The following ADIPOR2 variants were observed in gnomAD, a reference collection of about 807,000 sequenced individuals.
ADIPOR2 encodes the protein adiponectin receptor protein 2.
A neutral mutation model predicts 40.9 loss-of-function variants in ADIPOR2; 18 were observed. That is an observed-to-expected ratio of 0.44 (90% confidence interval 0.30 to 0.65). The LOEUF is 0.65. ADIPOR2 is among the 30% of genes least tolerant of loss of function. The probability of loss-of-function intolerance (pLI) is 0.09; values close to 1 mark genes in which losing one functional copy is unlikely to be tolerated. For synonymous variants in ADIPOR2, 165 were observed against 166.4 expected (o/e 0.99, Z 0.06); for missense variants, 283 against 479.2 (o/e 0.59, Z 3.82).
At chr12:1,717,731 T>C (rs1365022980) in intron 1 of ADIPOR2, among the ~76,000 whole-genome samples, 1 of 152,092 alleles carries the variant, frequency 6.6e-6, no homozygotes, top group Non-Finnish European at 1.5e-5. Flanking sequence ...ATTCAGCTTC[T>C]GAAAAGCACT....
At chr12:1,697,252 C>T (rs1295230873) in intron 1 of ADIPOR2, 1 of 152,138 alleles carries the variant, frequency 6.6e-6, no homozygotes, top group East Asian at 1.9e-4. Flanking sequence ...TGAGTTTTTT[C>T]TTCTTTTGTT....
In ADIPOR2 at chr12:1,780,886, T is replaced by C; in HGVS notation, c.651-3T>C. On this transcript the variant is annotated splice_region_variant and splice_polypyrimidine_tract_variant and intron_variant, in intron 5 of 7. Coordinates refer to ENST00000357103, the MANE Select transcript of ADIPOR2 (RefSeq NM_024551.3). ...TTAAATGGATTTTTTTTTTCTGTCA[T>C]AGACTGGATTACTCTGGTATTGCTC... The C allele has an allele frequency of 6.3e-7, 1 of 1,594,832 alleles. No individual in the cohort carries two copies.
intron 1 of ADIPOR2, among the ~76,000 whole-genome samples, chr12:1,736,446 C>T (rs2094730903): frequency 6.6e-6 from 1 of 152,022 alleles, no homozygotes; most frequent in Non-Finnish European, 1.5e-5. Flanking sequence ...TATCACCACC[C>T]CTGTATCACA....
At chr12:1,757,271 T>A (rs1468175965) in intron 2 of ADIPOR2, 2 of 598,410 alleles carry the variant, frequency 3.3e-6, no homozygotes, top group Non-Finnish European at 6.1e-6. Flanking sequence ...TTTGTCTTTC[T>A]TTTCAGCAAT....
At position 1,736,491 on chromosome 12, in the gene ADIPOR2, T is replaced by C. The variant is rs199776271; in HGVS notation, c.-86-17767T>C. On this transcript the variant is annotated intron_variant, in intron 1 of 7. Transcript: ENST00000357103. ...ATCATTTTTTATTGTGTCTATTTGA[T>C]TCTTCTCTCTTTTCTTCTTTATTAG... 2.6e-5 allele frequency among the ~76,000 whole-genome samples: 4 copies of C among 152,216 alleles called. No individual in the cohort carries two copies. The East Asian group carries it at 7.7e-4, about 29-fold the overall frequency.
chr12:1,746,751 T>C (rs1592606888), intron 1 of ADIPOR2, among the ~76,000 whole-genome samples: 1 of 152,206 alleles, frequency 6.6e-6, no homozygotes, highest in Non-Finnish European at 1.5e-5. Flanking sequence ...AGTGGAATTA[T>C]AGGCATGGTG....
At chr12:1,691,501 T>C (rs2094626875) in intron 1 of ADIPOR2, among the ~76,000 whole-genome samples, 1 of 152,224 alleles carries the variant, frequency 6.6e-6, no homozygotes, top group African/African-American at 2.4e-5. Context: ...CGGAGCCTGC[T>C]GCCCTCTGCT....
intron 1 of ADIPOR2, among the ~76,000 whole-genome samples, chr12:1,744,520 A>T (rs2094750773): frequency 6.6e-6 from 1 of 151,666 alleles, no homozygotes; most frequent in African/African-American, 2.4e-5. Flanking sequence ...ATTTTTTTGT[A>T]GAGATGGGGT....
At chr12:1,731,376 A>G (rs1357295169) in intron 1 of ADIPOR2, among the ~76,000 whole-genome samples, 1 of 152,160 alleles carries the variant, frequency 6.6e-6, no homozygotes, top group East Asian at 1.9e-4. Context: ...AATTTACTAT[A>G]TTAACCATTT....
chr12:1,711,592 C>G (rs1471588408), intron 1 of ADIPOR2, among the ~76,000 whole-genome samples: 3 of 140,548 alleles, frequency 2.1e-5, no homozygotes, highest in Non-Finnish European at 4.6e-5. Context: ...ACTTCTATCT[C>G]TGTGTCTCTC....
At chr12:1,762,428 CAG>C (rs1212123201) in intron 2 of ADIPOR2, among the ~76,000 whole-genome samples, 1 of 152,052 alleles carries the variant, frequency 6.6e-6, no homozygotes, top group Non-Finnish European at 1.5e-5. Context: ...CTGATATCCT[CAG>C]AGTCTAACCT....
At chr12:1,732,364 T>TA (rs2094722202) in intron 1 of ADIPOR2, among the ~76,000 whole-genome samples, 3 of 152,222 alleles carry the variant, frequency 2.0e-5, no homozygotes, top group African/African-American at 7.2e-5. Context: ...ACTGTCTCCT[T>TA]AGTTTTGTCT....
intron 2 of ADIPOR2, among the ~76,000 whole-genome samples, chr12:1,764,219 G>A (rs1321220744): frequency 1.3e-5 from 2 of 152,038 alleles, no homozygotes; most frequent in Non-Finnish European, 2.9e-5. Flanking sequence ...TGTGGTCCCC[G>A]ACACTATATT....
rs959012273 is a variant in ADIPOR2, at chr12:1,766,263, T to C, written c.172-6579T>C. On this transcript the variant is annotated intron_variant, in intron 2 of 7. Coordinates refer to ENST00000357103, the MANE Select transcript of ADIPOR2 (RefSeq NM_024551.3). ...TCAGAAGCAGATGTAATACGATGCC[T>C]GTAGGGAATAGTAATAATAATAGCT... Among the ~76,000 whole-genome samples the C allele has an allele frequency of 5.9e-5, 9 of 152,202 alleles. No homozygotes were observed. In the East Asian group the frequency reaches 1.7e-3, roughly 29 times the overall value.
At chr12:1,748,281 C>A (rs1172255803) in intron 1 of ADIPOR2, among the ~76,000 whole-genome samples, 1 of 152,086 alleles carries the variant, frequency 6.6e-6, no homozygotes, top group Non-Finnish European at 1.5e-5. Context: ...CGGAGTCTCT[C>A]TCTGTCGCCC....
chr12:1,777,982 C>A lies in ADIPOR2; in HGVS notation c.420C>A (p.Phe140Leu). The A allele has an allele frequency of 6.2e-7, 1 of 1,614,052 alleles. No homozygotes were observed. The highest frequency in any genetic ancestry group is 1.1e-5 in the South Asian group (1 of 91,074). Residue 140 changes from phenylalanine (F) to leucine (L), a missense_variant, in exon 4 of 8, where the codon TTC becomes TTA. By Grantham distance (22) the Phe-to-Leu change is conservative. Transcript: ENST00000357103. ...TCCGGGCCTGTTTTAAGAGCATTTT[C>A]AGAATACACACAGAAACAGGCAACA... is the stretch of plus-strand genomic sequence containing the variant. ...PSFRACFKSIFRIHTETGNIW... is the reference protein window; with the variant it reads ...PSFRACFKSILRIHTETGNIW...
intron 2 of ADIPOR2, among the ~76,000 whole-genome samples, chr12:1,770,027 T>TC (rs1022172129): frequency 6.6e-6 from 1 of 151,770 alleles, no homozygotes; most frequent in African/African-American, 2.4e-5. Context: ...CAAGGAGTCC[T>TC]CCCCCTCAGC....
chr12:1,744,520 A>G (rs2094750773), intron 1 of ADIPOR2, among the ~76,000 whole-genome samples: 1 of 151,666 alleles, frequency 6.6e-6, no homozygotes, highest in South Asian at 2.1e-4. Context: ...ATTTTTTTGT[A>G]GAGATGGGGT....
intron 2 of ADIPOR2, among the ~76,000 whole-genome samples, chr12:1,769,672 T>C (rs1003224001): frequency 6.6e-6 from 1 of 151,626 alleles, no homozygotes; most frequent in Non-Finnish European, 1.5e-5. Context: ...CTGCTGAGTA[T>C]CTGGGATTAC....
Sources: allele counts gnomAD v4.1 joint callset (sites outside exome capture counted in the v4.1 genomes callset), GRCh38; gene constraint gnomAD v4.1.1; transcripts MANE v1.5; gene names NCBI Gene and HGNC (gene_info 2026-07-23, HGNC 2026-07-21).